ITPR2: variants seen among roughly 807,000 people sequenced by gnomAD.
ITPR2 encodes the protein inositol 1,4,5-trisphosphate receptor type 2.
A neutral mutation model predicts 317.1 loss-of-function variants in ITPR2; 207 were observed. The ratio of observed to expected loss-of-function variants is 0.65; its 90% CI spans 0.58 to 0.73. The LOEUF (loss-of-function observed/expected upper bound fraction) is 0.73, where lower values mean the gene tolerates loss of function less well. ITPR2 is among the 30% of genes least tolerant of loss of function. The pLI is 0.00. For synonymous variants in ITPR2, 1,156 were observed against 1,149.1 expected (o/e 1.01, Z -0.12); for missense variants, 2,613 against 3,284.0 (o/e 0.80, Z 4.99).
At chr12:26,495,612 TA>T (rs1180244491) in intron 37 of ITPR2, 2 of 159,770 alleles carry the variant, frequency 1.3e-5, no homozygotes, top group African/African-American at 4.8e-5. Context: ...CATAACTCAA[TA>T]AAGAGTTTTA....
chr12:26,540,584 T>G (rs555336993), intron 37 of ITPR2, among the ~76,000 whole-genome samples: 9 of 152,306 alleles, frequency 5.9e-5, no homozygotes, highest in Admixed American at 2.6e-4. Context: ...GGCAATATTT[T>G]CAATATGACT....
At chr12:26,610,392 G>A (rs761736899) in intron 26 of ITPR2, among the ~76,000 whole-genome samples, 12 of 152,092 alleles carry the variant, frequency 7.9e-5, no homozygotes, top group Non-Finnish European at 1.3e-4. Context: ...GATCAGAAGC[G>A]GCAGGCAAAG....
At chr12:26,368,145 C>T (rs1591967593) in intron 55 of ITPR2, among the ~76,000 whole-genome samples, 1 of 152,122 alleles carries the variant, frequency 6.6e-6, no homozygotes, top group Non-Finnish European at 1.5e-5. Flanking sequence ...ATATGATTTC[C>T]CTATCATTCT....
At chr12:26,368,382 T>C (rs756485257) in intron 55 of ITPR2, among the ~76,000 whole-genome samples, 17 of 152,236 alleles carry the variant, frequency 1.1e-4, no homozygotes, top group East Asian at 1.9e-4. Context: ...ACAGGTTCCA[T>C]TGAATATGTG....
intron 45 of ITPR2, among the ~76,000 whole-genome samples, chr12:26,443,857 TTA>T (rs1369380905): frequency 6.6e-6 from 1 of 152,270 alleles, no homozygotes; most frequent in Admixed American, 6.5e-5. Context: ...TTGATTAAAT[TTA>T]TGTCTTCAAT....
Position 26,599,242 on chromosome 12 carries a change from G to C in ITPR2, c.3905C>G (p.Thr1302Arg). ...CAGGTACTCCACGTGGCGGCCATGT[G>C]TCTCAATGCAGTGCACAAAGTGTTG... ...VVQHFVHCIE[T>R]HGRHVEYLRF... Residue 1302 changes from threonine (T) to arginine (R), a missense_variant, in exon 30 of 57, where the codon ACA becomes AGA. Around this residue, in one of 9 missense-constraint regions of ITPR2, gnomAD observed 817 missense variants for 897.6 expected, o/e 0.91. Transcript: ENST00000381340. 6.2e-7 allele frequency: 1 copy of C among 1,614,036 alleles called. No homozygotes were observed. Among genetic ancestry groups the C allele is most frequent in the Non-Finnish European group, 8.5e-7 (1 of 1,179,924 alleles).
chr12:26,570,559 T>C (rs1029914689), intron 34 of ITPR2, among the ~76,000 whole-genome samples: 1 of 152,186 alleles, frequency 6.6e-6, no homozygotes, highest in African/African-American at 2.4e-5. Flanking sequence ...TTGGGACAAG[T>C]TGGCTTGTAA....
At chr12:26,440,521 T>C (rs1000062199) in intron 46 of ITPR2, among the ~76,000 whole-genome samples, 1 of 152,138 alleles carries the variant, frequency 6.6e-6, no homozygotes, top group East Asian at 1.9e-4. Context: ...GTTTAAACAA[T>C]TGTCACTGTG....
chr12:26,434,991 C>T (rs1187848595), intron 48 of ITPR2, among the ~76,000 whole-genome samples: 8 of 152,224 alleles, frequency 5.3e-5, no homozygotes, highest in African/African-American at 1.9e-4. Context: ...TAATGGATGG[C>T]CAAATATTTG....
At position 26,573,431 on chromosome 12, in the gene ITPR2, T is replaced by A. The variant is rs563927826; in HGVS notation, c.4630+5282A>T. 4.6e-5 allele frequency among the ~76,000 whole-genome samples: 7 copies of A among 152,246 alleles called. No individual in the cohort carries two copies. In the South Asian group the frequency reaches 1.5e-3, roughly 32 times the overall value. ...GCTCCAGTGGTGAAGAAAGGAAAGT[T>A]CCTCTTTTTATCATTTACATGCTAA... On this transcript the variant is annotated intron_variant, in intron 34 of 56. Transcript: ENST00000381340.
At chr12:26,595,395 C>G (rs933925472) in intron 32 of ITPR2, 70 bp downstream of exon 32, 2 of 1,434,948 alleles carry the variant, frequency 1.4e-6, no homozygotes, top group Non-Finnish European at 1.9e-6. Flanking sequence ...TGCAAGTTTT[C>G]ATCCAGATGC....
chr12:26,463,702 A>C (rs71438629), intron 45 of ITPR2, among the ~76,000 whole-genome samples: 1,151 of 97,828 alleles, frequency 0.012, 37 homozygotes, highest in Admixed American at 0.096. Context: ...AACAAACAAA[A>C]AAAAAACAAA....
chr12:26,365,943 T>A (rs1938994840), intron 55 of ITPR2, among the ~76,000 whole-genome samples: 5 of 152,170 alleles, frequency 3.3e-5, no homozygotes, highest in Admixed American at 2.0e-4. Flanking sequence ...ATAAATTATT[T>A]TAAACTACAA....
intron 30 of ITPR2, among the ~76,000 whole-genome samples, chr12:26,598,624 C>A (rs1591946173): frequency 6.6e-6 from 1 of 152,296 alleles, no homozygotes; most frequent in South Asian, 2.1e-4. Context: ...TTCATCTATT[C>A]ATTTGCTGAA....
At position 26,448,765 on chromosome 12, in the gene ITPR2, T is replaced by C. The variant is rs74342490; in HGVS notation, c.6343-5115A>G. On this transcript the variant is annotated intron_variant, in intron 45 of 56. Transcript: ENST00000381340. ...AAAAGGAAAATCATGCATATCATTA[T>C]CAATCATGACACACTTGTAATTTAA... Among the ~76,000 whole-genome samples the C allele has an allele frequency of 4.7e-3, 708 of 152,244 alleles. 9 individuals are homozygous for C. The highest frequency in any genetic ancestry group is 0.015 in the Admixed American group (233 of 15,286).
At chr12:26,709,733 A>G (rs554711730) in intron 9 of ITPR2, among the ~76,000 whole-genome samples, 59 of 152,188 alleles carry the variant, frequency 3.9e-4, no homozygotes, top group Non-Finnish European at 7.1e-4. Flanking sequence ...CTTATCTTTT[A>G]TAGGATATCT....
chr12:26,814,621 G>C (rs1449116161), intron 1 of ITPR2, among the ~76,000 whole-genome samples: 3 of 152,120 alleles, frequency 2.0e-5, no homozygotes, highest in Non-Finnish European at 4.4e-5. Context: ...TTCTCACAGA[G>C]AAATTTTCAA....
At chr12:26,713,529 C>T (rs189315324) in intron 8 of ITPR2, among the ~76,000 whole-genome samples, 147 of 152,274 alleles carry the variant, frequency 9.7e-4, no homozygotes, top group Middle Eastern at 3.4e-3. Flanking sequence ...ACAATTTATT[C>T]GCTCCCTATT....
chr12:26,483,221 AC>A (rs1479749353), intron 42 of ITPR2, among the ~76,000 whole-genome samples: 5 of 152,272 alleles, frequency 3.3e-5, no homozygotes, highest in African/African-American at 4.8e-5. Context: ...GAATGGCTCT[AC>A]AACTTATTGA....
Sources: allele counts gnomAD v4.1 joint callset (sites outside exome capture counted in the v4.1 genomes callset), GRCh38; gene constraint gnomAD v4.1.1; regional missense constraint gnomAD v4.1.1; transcripts MANE v1.5; gene names NCBI Gene and HGNC (gene_info 2026-07-23, HGNC 2026-07-21).